Variants in CCDC163 observed in about 807,000 individuals in gnomAD.
CCDC163 encodes CCDC163 homolog, also known as transmembrane protein CCDC163.
A neutral mutation model predicts 8.2 loss-of-function variants in CCDC163; 13 were observed. That is an observed-to-expected ratio of 1.59 (90% confidence interval 1.04 to 2.54). CCDC163 has a LOEUF of 2.54. Among genes scored for constraint, CCDC163 ranks in the 30% most tolerant of loss-of-function variants. CCDC163 has a pLI of 0.00. For missense variants in CCDC163, 117 were observed against 78.6 expected, an observed-to-expected ratio of 1.49 and a Z score of -1.85; for synonymous variants, 41 against 30.9, an observed-to-expected ratio of 1.33 and a Z score of -1.08.
At chr1:45,495,762 G>A (rs1253572384) in intron 4 of CCDC163, among the ~76,000 whole-genome samples, 2 of 149,318 alleles carry the variant, frequency 1.3e-5, no homozygotes, top group East Asian at 2.0e-4. Context: ...CACCTCCTGG[G>A]TTCAAGTGAT....
chr1:45,497,894 T>C (rs1458647681), intron 2 of CCDC163, among the ~76,000 whole-genome samples: 1 of 145,948 alleles, frequency 6.9e-6, no homozygotes, highest in African/African-American at 2.6e-5. Flanking sequence ...CAACAGCTCA[T>C]TGAGAACGGG....
chr1:45,497,620 C>CACTCTCAATTCTACTAGTAATTCAGTG (rs1654287678), intron 2 of CCDC163, among the ~76,000 whole-genome samples: 1 of 107,716 alleles, frequency 9.3e-6, no homozygotes, highest in African/African-American at 3.7e-5. Flanking sequence ...CCCAAAGTGC[C>CACTCTCAATTCTACTAGTAATTCAGTG]GAGACTGCAG....
intron 2 of CCDC163, among the ~76,000 whole-genome samples, chr1:45,498,880 T>TC (rs1643450143): frequency 2.0e-5 from 3 of 152,346 alleles, no homozygotes; most frequent in African/African-American, 7.2e-5. Context: ...TTAGTGCCTG[T>TC]CACCTCCCCA....
At chr1:45,497,036 G>A (rs918888305) in intron 3 of CCDC163, among the ~76,000 whole-genome samples, 1 of 152,092 alleles carries the variant, frequency 6.6e-6, no homozygotes, top group Admixed American at 6.5e-5. Flanking sequence ...GGCTGGGCAT[G>A]GTGGCGGGCA....
intron 3 of CCDC163, among the ~76,000 whole-genome samples, 168 bp from the exon 4 acceptor site, chr1:45,496,791 G>A (rs1654189269): frequency 1.3e-5 from 2 of 152,232 alleles, no homozygotes; most frequent in Admixed American, 6.5e-5. Flanking sequence ...GAGAGACAAA[G>A]AGTGCAACAA....
Position 45,494,973 on chromosome 1 carries a change from C to G in CCDC163, c.*86G>C. 2 of 767,840 alleles carry G rather than the reference C, an allele frequency of 2.6e-6. No homozygotes were observed. The highest frequency in any genetic ancestry group is 2.7e-5 in the South Asian group (2 of 73,418). 47.6% of individuals were successfully genotyped at this position (767,840 alleles called of 1,614,324 possible). On this transcript the variant is annotated 3_prime_UTR_variant, in exon 5 of 5. Coordinates refer to ENST00000629482, the MANE Select transcript of CCDC163 (RefSeq NM_001102601.3). ...AATAGCTACTTCAAGAAGGTAGGGG[C>G]GGGCAGCCCAGAAACAGGGCCTTGG...
In CCDC163 at chr1:45,499,286, G is replaced by T. The variant is rs1366184441; in HGVS notation, c.177+59C>A. ...TTGGAAGGAATAATGGATGATACGG[G>T]CACTGGAGGAAGGCACAGAAAGAGA... On this transcript the variant is annotated intron_variant, in intron 2 of 4. Coordinates refer to ENST00000629482, the MANE Select transcript of CCDC163 (RefSeq NM_001102601.3). 6 of 728,126 alleles carry T rather than the reference G, an allele frequency of 8.2e-6. No homozygotes were observed. The East Asian group carries it at 1.1e-4, about 13-fold the overall frequency. 45.1% of individuals were successfully genotyped at this position (728,126 alleles called of 1,614,324 possible).
In CCDC163 at chr1:45,499,543, C is replaced by A; in HGVS notation, c.67G>T (p.Val23Phe). ...CACCAACCCCTCACCTTATTCCGGA[C>A]CACATTTCCATCAGTAGCGTTGAGA... ...VLLNATDGNV[V>F]RNKQWLYPLG... The change falls in exon 1 of 5, where the codon GTC (valine) becomes TTC (phenylalanine). Residue 23 changes from valine to phenylalanine, a missense_variant. Coordinates refer to ENST00000629482, the MANE Select transcript of CCDC163 (RefSeq NM_001102601.3). 3.8e-6 allele frequency: 3 copies of A among 779,266 alleles called. No individual in the cohort carries two copies. Among genetic ancestry groups the A allele is most frequent in the Non-Finnish European group, 7.2e-6 (3 of 417,260 alleles). 48.3% of individuals were successfully genotyped at this position (779,266 alleles called of 1,614,324 possible).
At chr1:45,496,435 G>C (rs1387599005) in intron 4 of CCDC163, 121 bp downstream of exon 4, 1 of 705,884 alleles carries the variant, frequency 1.4e-6, no homozygotes, top group Non-Finnish European at 2.6e-6. Flanking sequence ...GCACAGGGAA[G>C]AGAGGAATGA....
chr1:45,497,756 T>TGG (rs1190358325), intron 2 of CCDC163, among the ~76,000 whole-genome samples: 2 of 17,734 alleles, frequency 1.1e-4, no homozygotes, highest in African/African-American at 5.6e-4. Flanking sequence ...GGGAGGGAGG[T>TGG]GGGGGTGTCA....
At position 45,495,060 on chromosome 1, in the gene CCDC163, C is replaced by T; in HGVS notation, c.437G>A (p.Ter146=). The T allele has an allele frequency of 2.6e-6, 2 of 780,804 alleles. No individual in the cohort carries two copies. The highest frequency in any genetic ancestry group is 1.7e-5 in the Admixed American group (1 of 59,042). 48.4% of individuals were successfully genotyped at this position (780,804 alleles called of 1,614,324 possible). The change falls in exon 5 of 5, where the codon TGA becomes TAA. Residue 146 remains the stop codon, a stop_retained_variant. Coordinates refer to ENST00000629482, the MANE Select transcript of CCDC163 (RefSeq NM_001102601.3). The part of the protein sequence containing the change: ...TYSFGAPKCS[*] Reference sequence around the variant, plus strand: ...TCTTAACGAGTCCTTACAGGTCATTCAGGAGCATTTTGGGGCCCCAAAGGA... The same window carrying T: ...TCTTAACGAGTCCTTACAGGTCATTTAGGAGCATTTTGGGGCCCCAAAGGA...
At chr1:45,496,275 A>T in intron 4 of CCDC163, 1 of 501,774 alleles carries the variant, frequency 2.0e-6, no homozygotes, top group Non-Finnish European at 3.7e-6. Context: ...CTGCCAGATC[A>T]TGGGCTCAGG....
At chr1:45,498,376 A>G (rs1257871601) in intron 2 of CCDC163, 4 of 153,440 alleles carry the variant, frequency 2.6e-5, no homozygotes, top group Non-Finnish European at 5.7e-5. Flanking sequence ...AGAATGATCA[A>G]TAAAAGAAAA....
intron 3 of CCDC163, among the ~76,000 whole-genome samples, chr1:45,496,963 C>T (rs1259150605): frequency 6.6e-6 from 1 of 152,178 alleles, no homozygotes; most frequent in African/African-American, 2.4e-5. Context: ...GAGTTCGAGA[C>T]CAGCTCGGCC....
intron 4 of CCDC163, chr1:45,496,341 G>A (rs757052882): frequency 6.0e-6 from 4 of 663,604 alleles, no homozygotes; most frequent in South Asian, 4.6e-5. Flanking sequence ...CAGCACACTT[G>A]GAACCCTCAT....
Position 45,495,031 on chromosome 1 carries a change from C to T in CCDC163, c.*28G>A, listed in dbSNP as rs781188442. 1 of 780,776 alleles carries T rather than the reference C, an allele frequency of 1.3e-6. No individual in the cohort carries two copies. Among genetic ancestry groups the T allele is most frequent in the Non-Finnish European group, 2.4e-6 (1 of 417,938 alleles). 48.4% of individuals were successfully genotyped at this position (780,776 alleles called of 1,614,324 possible). On this transcript the variant is annotated 3_prime_UTR_variant, in exon 5 of 5. Transcript: ENST00000629482. ...GGTGGGCAAAGAAGCCTTCATCCTA[C>T]TATTCTTAACGAGTCCTTACAGGTC...
rs1343777704 is a variant in CCDC163 at position 45,499,373 on chromosome 1, C to T, written c.149G>A (p.Gly50Asp). The T allele has an allele frequency of 2.6e-6, 2 of 771,918 alleles. No individual in the cohort carries two copies. Among genetic ancestry groups the T allele is most frequent in the African/African-American group, 3.4e-5 (2 of 59,152 alleles). The allele number at this position is 771,918 out of a possible 1,614,324, so 47.8% of individuals were successfully genotyped here. Residue 50 changes from glycine to aspartate, a missense_variant, in exon 2 of 5, where the codon GGC becomes GAC. Physicochemically the swap from Gly to Asp is moderately conservative, Grantham distance 94 (BLOSUM62 -1). Coordinates refer to ENST00000629482, the MANE Select transcript of CCDC163 (RefSeq NM_001102601.3). The part of the protein sequence containing the change: ...GLCICFFCSS[G>D]CIFLGSPPQN... Reference sequence around the variant, plus strand: ...CGGTGGAGACCCCAAGAAGATACAGCCACTGCTACAGAAGAAACAGATGCA... The same window carrying T: ...CGGTGGAGACCCCAAGAAGATACAGTCACTGCTACAGAAGAAACAGATGCA...
chr1:45,497,680 G>C (rs1338214698), intron 2 of CCDC163, among the ~76,000 whole-genome samples: 38 of 60,020 alleles, frequency 6.3e-4, no homozygotes, highest in Non-Finnish European at 9.0e-4. Context: ...GTCTCCGCCC[G>C]GCAGCCACCC....
Position 45,496,555 on chromosome 1 carries a change from C to A in CCDC163, c.330+1G>T, listed in dbSNP as rs1654157880. 1.3e-6 allele frequency: 1 copy of A among 780,460 alleles called. No individual in the cohort carries two copies. Among genetic ancestry groups the A allele is most frequent in the Admixed American group, 1.7e-5 (1 of 58,984 alleles). The allele number at this position is 780,460 out of a possible 1,614,324, so 48.3% of individuals were successfully genotyped here. A position where few individuals can be genotyped will look rare whatever the true frequency, so the allele number is the denominator to read the frequency against. ...AGAGACAAGTCTGAACCTAGTCCTA[C>A]CTTCCAACTGCCAACCTGAGCCTGT... On this transcript the variant is annotated splice_donor_variant, in intron 4 of 4. Transcript: ENST00000629482. LOFTEE classifies it high-confidence loss of function.
Sources: gnomAD v4.1 joint callset for allele counts (sites outside exome capture counted in the v4.1 genomes callset) on GRCh38, gnomAD v4.1.1 for gene constraint, MANE v1.5 for transcripts, NCBI Gene and HGNC (gene_info 2026-07-23, HGNC 2026-07-21) for gene names.